The following PGS1 variants were observed in gnomAD, a reference collection of about 807,000 sequenced individuals.
PGS1 encodes CDP-diacylglycerol--glycerol-3-phosphate 3-phosphatidyltransferase, mitochondrial.
Under a neutral mutation model 58.3 loss-of-function variants are expected in PGS1, and 44 were observed. The ratio of observed to expected loss-of-function variants is 0.75; its 90% CI spans 0.59 to 0.97. PGS1 has a LOEUF of 0.97. PGS1 is among the 50% of genes least tolerant of loss of function. PGS1 has a pLI of 0.00. For synonymous variants in PGS1, 330 were observed against 311.0 expected (o/e 1.06, Z -0.64); for missense variants, 684 against 731.1 (o/e 0.94, Z 0.74).
At chr17:78,386,993 ATGATGATGATGATGG>A (rs146618713) in intron 1 of PGS1, among the ~76,000 whole-genome samples, 118 of 150,718 alleles carry the variant, frequency 7.8e-4, no homozygotes, top group Middle Eastern at 3.4e-3. Flanking sequence ...GATGATGGTG[ATGATGATGATGATGG>A]TGATGATGAT....
chr17:78,416,341 C>T (rs761333267), intron 8 of PGS1, among the ~76,000 whole-genome samples: 44 of 152,256 alleles, frequency 2.9e-4, no homozygotes, highest in Admixed American at 2.7e-3. Context: ...CTTTCAACAG[C>T]GGGCTTTCCT....
At chr17:78,408,712 T>C (rs1453151154) in intron 7 of PGS1, among the ~76,000 whole-genome samples, 1 of 152,174 alleles carries the variant, frequency 6.6e-6, no homozygotes, top group African/African-American at 2.4e-5. Context: ...CTGCATCGCC[T>C]TGGCTTTGGG....
At position 78,400,451 on chromosome 17, in the gene PGS1, G is replaced by C. The variant is rs1291710316; in HGVS notation, c.702-226G>C. The stretch of plus-strand genomic sequence containing the variant: ...TGCATCTCCTCTTCTCAGCTACACT[G>C]TCGGCTCCTTGAGAGGAGGAGGCTG... On this transcript the variant is annotated intron_variant, in intron 5 of 9. Transcript: ENST00000262764. This position sits in a 1 kb window ranked among gnomAD's most constrained non-coding sequence, Gnocchi z 4.4. Among the ~76,000 whole-genome samples, 2 of 151,980 alleles carry C rather than the reference G, an allele frequency of 1.3e-5. No homozygotes were observed. The highest frequency in any genetic ancestry group is 2.9e-5 in the Non-Finnish European group (2 of 68,020).
intron 9 of PGS1, 29 bp from the exon 10 acceptor site, chr17:78,424,032 G>A (rs984753075): frequency 6.2e-7 from 1 of 1,613,906 alleles, no homozygotes; most frequent in Non-Finnish European, 8.5e-7. Context: ...GACACTCATA[G>A]ATGTTCTTGG....
Position 78,419,485 on chromosome 17 carries a change from G to A in PGS1, c.1552-61G>A, listed in dbSNP as rs544187835. On this transcript the variant is annotated intron_variant, in intron 8 of 9. Coordinates refer to ENST00000262764, the MANE Select transcript of PGS1 (RefSeq NM_024419.5). The stretch of plus-strand genomic sequence containing the variant: ...CTGAGGGGCTGGGCTGGGGCCAGCC[G>A]GCCATGTGGTGTGGTGCTGGAGGGG... The A allele has an allele frequency of 3.1e-5, 46 of 1,466,420 alleles. No homozygotes were observed. The African/African-American group carries it at 4.6e-4, about 15-fold the overall frequency. 90.8% of individuals were successfully genotyped at this position (1,466,420 alleles called of 1,614,324 possible).
intron 2 of PGS1, 41 bp from the exon 3 acceptor site, chr17:78,396,267 A>C (rs1045681987): frequency 1.3e-6 from 2 of 1,495,410 alleles, no homozygotes; most frequent in Non-Finnish European, 1.9e-6. Flanking sequence ...GTGAACCATG[A>C]AAATGATGAA....
chr17:78,412,387 T>G (rs1422373222), intron 7 of PGS1, among the ~76,000 whole-genome samples: 1 of 152,194 alleles, frequency 6.6e-6, no homozygotes, highest in Non-Finnish European at 1.5e-5. Flanking sequence ...TGAAAAACCC[T>G]TATTCTTTCT....
intron 8 of PGS1, among the ~76,000 whole-genome samples, chr17:78,416,367 T>C (rs571300633): frequency 6.6e-6 from 1 of 152,344 alleles, no homozygotes; most frequent in East Asian, 1.9e-4. Flanking sequence ...TCTACTTCAA[T>C]TGCAGAGAGC....
chr17:78,416,414 G>A (rs185371163), intron 8 of PGS1, among the ~76,000 whole-genome samples: 1 of 152,344 alleles, frequency 6.6e-6, no homozygotes, highest in African/African-American at 2.4e-5. Flanking sequence ...CTGTGCCAGG[G>A]CGGTAGAGAG....
chr17:78,418,935 T>A (rs2085448055), intron 8 of PGS1, among the ~76,000 whole-genome samples: 1 of 152,222 alleles, frequency 6.6e-6, no homozygotes, highest in African/African-American at 2.4e-5. Flanking sequence ...TTAAAATATT[T>A]TTTCCACCAG....
In PGS1 at chr17:78,396,432, C is replaced by T. The variant is rs375353534; in HGVS notation, c.411+47C>T. 17 of 1,331,922 alleles carry T rather than the reference C, an allele frequency of 1.3e-5. No individual in the cohort carries two copies. In the African/African-American group the frequency reaches 2.4e-4, roughly 18 times the overall value. 82.5% of individuals were successfully genotyped at this position (1,331,922 alleles called of 1,614,324 possible). On this transcript the variant is annotated intron_variant, in intron 3 of 9. Coordinates refer to ENST00000262764, the MANE Select transcript of PGS1 (RefSeq NM_024419.5). ...TTGTGGCAGCAATAGTGAATGGGCC[C>T]CAACATGCCACAGCTTTTTGTGCCA...
rs778084361 is a variant in PGS1, at chr17:78,399,407, C to T, written c.571C>T (p.Arg191Ter). ...PLLRRFPEQV[R>*]VSLFHTPHLR... ...CCTGCGGAGGTTCCCAGAGCAGGTC[C>T]GAGTCTCCCTCTTTCACACGCCGCA... The change falls in exon 5 of 10, where the codon CGA becomes TGA. Residue 191 changes from arginine to a stop codon, truncating the protein, a stop_gained. Transcript: ENST00000262764. LOFTEE classifies it high-confidence loss of function. The T allele has an allele frequency of 7.4e-6, 12 of 1,613,996 alleles. No individual in the cohort carries two copies. Among genetic ancestry groups the T allele is most frequent in the African/African-American group, 2.7e-5 (2 of 74,924 alleles).
At chr17:78,385,293 A>ATTT (rs563493979) in intron 1 of PGS1, among the ~76,000 whole-genome samples, 1 of 126,940 alleles carries the variant, frequency 7.9e-6, no homozygotes. Flanking sequence ...TAATTTTTGT[A>ATTT]TTTTTTTTTT....
chr17:78,393,955 C>T lies in PGS1; in HGVS notation c.333+1290C>T, dbSNP rs150118192. ...TCCCAGCACTTTGGGAGGCTGAGGCCGGTGGATCACCTGAGGTCAGGAGTT... is the reference window on the plus strand; with the variant it reads ...TCCCAGCACTTTGGGAGGCTGAGGCTGGTGGATCACCTGAGGTCAGGAGTT... On this transcript the variant is annotated intron_variant, in intron 2 of 9. Transcript: ENST00000262764. Among the ~76,000 whole-genome samples, 1,031 of 151,688 alleles carry T rather than the reference C, an allele frequency of 6.8e-3. 15 individuals carry two copies. The highest frequency in any genetic ancestry group is 0.024 in the African/African-American group (982 of 41,310).
intron 8 of PGS1, among the ~76,000 whole-genome samples, chr17:78,416,211 C>G (rs943880103): frequency 2.6e-5 from 4 of 152,226 alleles, no homozygotes; most frequent in African/African-American, 4.8e-5. Context: ...GCTCAGGTTT[C>G]TTCCTACAGT....
intron 9 of PGS1, among the ~76,000 whole-genome samples, chr17:78,422,476 C>G (rs763377412): frequency 1.6e-5 from 2 of 125,140 alleles, no homozygotes; most frequent in East Asian, 2.0e-4. Context: ...GAACGTAGAA[C>G]GATATTCCTA....
intron 7 of PGS1, among the ~76,000 whole-genome samples, chr17:78,406,308 ACT>A (rs1183000259): frequency 6.6e-6 from 1 of 151,678 alleles, no homozygotes; most frequent in African/African-American, 2.4e-5. Flanking sequence ...ACAGAGCGAG[ACT>A]CTGTCTCAAA....
rs1398754568 is a variant in PGS1, at chr17:78,403,750, A to G, written c.1063A>G (p.Ile355Val). 1.9e-6 allele frequency: 3 copies of G among 1,614,210 alleles called. No homozygotes were observed. Among genetic ancestry groups the G allele is most frequent in the East Asian group, 2.2e-5 (1 of 44,880 alleles). The change falls in exon 7 of 10, where the codon ATT (isoleucine) becomes GTT (valine). Residue 355 changes from isoleucine (I) to valine (V), a missense_variant. Coordinates refer to ENST00000262764, the MANE Select transcript of PGS1 (RefSeq NM_024419.5). The stretch of plus-strand genomic sequence containing the variant: ...CCCTGACACCTGGATTTATCCGCTG[A>G]TTCAGATGAAGCCCTTCGAGATTCA... ...PAPDTWIYPLIQMKPFEIQID... is the reference protein window; with the variant it reads ...PAPDTWIYPLVQMKPFEIQID...
intron 1 of PGS1, among the ~76,000 whole-genome samples, chr17:78,386,981 G>GTGA: frequency 9.0e-6 from 1 of 111,510 alleles, no homozygotes; most frequent in East Asian, 2.4e-4. Context: ...GATGATGATG[G>GTGA]TGATGATGGT....
Sources: allele counts gnomAD v4.1 joint callset (sites outside exome capture counted in the v4.1 genomes callset), GRCh38; gene constraint gnomAD v4.1.1; non-coding constraint Gnocchi (gnomAD v3.1); transcripts MANE v1.5; gene names NCBI Gene and HGNC (gene_info 2026-07-23, HGNC 2026-07-21).